The following CCDC141 variants were observed in gnomAD, a reference collection of about 807,000 sequenced individuals.
CCDC141 encodes coiled-coil domain-containing protein 141.
CCDC141 carries 168 observed loss-of-function variants against 181.0 expected under a neutral mutation model. The observed-to-expected ratio is 0.93, with a 90% CI of 0.82 to 1.05. The LOEUF is 1.05. Ranked by LOEUF, CCDC141 falls within the 50% of genes least tolerant of loss-of-function variation. The pLI is 0.00. For synonymous variants in CCDC141, 666 were observed against 642.3 expected, an observed-to-expected ratio of 1.04 and a Z score of -0.56; for missense variants, 1,902 against 1,788.5, an observed-to-expected ratio of 1.06 and a Z score of -1.14.
intron 2 of CCDC141, among the ~76,000 whole-genome samples, chr2:179,026,390 A>T (rs2042845695): frequency 6.6e-6 from 1 of 152,208 alleles, no homozygotes; most frequent in Non-Finnish European, 1.5e-5. Flanking sequence ...AGAGGGTGCA[A>T]GCCTCAAGCC....
the CCDC141 span, among the ~76,000 whole-genome samples, chr2:178,824,061 A>C: frequency 0.012 from 1,752 of 147,548 alleles, 41 homozygotes; most frequent in African/African-American, 0.04. Flanking sequence ...TACAGAGAAA[A>C]ACACACACAC....
chr2:179,013,094 T>A (rs137991509), intron 2 of CCDC141, among the ~76,000 whole-genome samples: 1,918 of 152,130 alleles, frequency 0.013, 35 homozygotes, highest in African/African-American at 0.044. Flanking sequence ...CTCTTCAATA[T>A]AGTACTGGAA....
intron 5 of CCDC141, among the ~76,000 whole-genome samples, chr2:178,951,612 A>T (rs746513567): frequency 4.6e-5 from 7 of 152,162 alleles, no homozygotes; most frequent in African/African-American, 4.8e-5. Flanking sequence ...GATCATGAGA[A>T]TGAGGGAAGA....
At chr2:178,962,278 G>A (rs1235732948) in intron 4 of CCDC141, among the ~76,000 whole-genome samples, 6 of 151,450 alleles carry the variant, frequency 4.0e-5, no homozygotes, top group Non-Finnish European at 1.5e-5. Flanking sequence ...GTTGAGAATA[G>A]CACATTGAGG....
intron 17 of CCDC141, among the ~76,000 whole-genome samples, chr2:178,857,022 A>G (rs143731891): frequency 1.3e-5 from 2 of 152,368 alleles, no homozygotes; most frequent in Admixed American, 1.3e-4. Flanking sequence ...ATAGCTATAG[A>G]ATATTCCTTT....
chr2:178,841,281 A>G (rs1229729068), intron 22 of CCDC141, among the ~76,000 whole-genome samples: 1 of 152,232 alleles, frequency 6.6e-6, no homozygotes, highest in Non-Finnish European at 1.5e-5. Context: ...ACCCTCATTC[A>G]GTACACATTT....
chr2:178,834,523 C>T (rs1301507760), intron 23 of CCDC141, 83 bp from the exon 24 acceptor site: 3 of 1,372,300 alleles, frequency 2.2e-6, no homozygotes, highest in Admixed American at 4.2e-5. Flanking sequence ...TGCAAATAGG[C>T]CCATTACCAC....
chr2:178,921,235 T>C (rs1558982170), intron 6 of CCDC141, among the ~76,000 whole-genome samples: 1 of 152,234 alleles, frequency 6.6e-6, no homozygotes, highest in Non-Finnish European at 1.5e-5. Flanking sequence ...GCCAAGATGT[T>C]CTTTCATAAA....
chr2:178,974,923 T>C (rs1161346090), intron 4 of CCDC141, 134 bp downstream of exon 4: 1 of 465,676 alleles, frequency 2.1e-6, no homozygotes, highest in Non-Finnish European at 3.8e-6. Context: ...AAATGAAGCT[T>C]TAACTTTTCT....
chr2:178,953,368 C>T (rs1032303349), intron 5 of CCDC141, among the ~76,000 whole-genome samples: 14 of 150,910 alleles, frequency 9.3e-5, no homozygotes, highest in Non-Finnish European at 2.1e-4. Context: ...ACCCGGGAGG[C>T]GGAGTTTGCA....
intron 5 of CCDC141, among the ~76,000 whole-genome samples, chr2:178,955,864 T>G (rs1690142113): frequency 6.6e-6 from 1 of 152,222 alleles, no homozygotes; most frequent in South Asian, 2.1e-4. Context: ...GTTAACATTA[T>G]TAAACTGACT....
chr2:179,046,423 C>T (rs369671071), intron 2 of CCDC141, among the ~76,000 whole-genome samples: 11 of 152,214 alleles, frequency 7.2e-5, no homozygotes, highest in Admixed American at 2.0e-4. Flanking sequence ...GGATATAAGT[C>T]GGCTGTCCTG....
In CCDC141 at chr2:178,885,109, C is replaced by G; in HGVS notation, c.1528-17G>C. 6.5e-7 allele frequency: 1 copy of G among 1,529,756 alleles called. No homozygotes were observed. The highest frequency in any genetic ancestry group is 8.8e-7 in the Non-Finnish European group (1 of 1,131,854). 94.8% of individuals were successfully genotyped at this position (1,529,756 alleles called of 1,614,324 possible). A position where few individuals can be genotyped will look rare whatever the true frequency, so the allele number is the denominator to read the frequency against. ...TGATGTCTCCTGTAAAAGCAAAGCA[C>G]TGGAGGTCAGAAACTGACAGGGGAA... is the stretch of plus-strand genomic sequence containing the variant. On this transcript the variant is annotated splice_polypyrimidine_tract_variant and intron_variant, in intron 10 of 23. Transcript: ENST00000443758.
chr2:178,837,052 T>C lies in CCDC141; in HGVS notation c.4167A>G (p.Arg1389=). 6.2e-6 allele frequency: 10 copies of C among 1,614,040 alleles called. No individual in the cohort carries two copies. The highest frequency in any genetic ancestry group is 8.5e-6 in the Non-Finnish European group (10 of 1,179,970). Residue 1389 remains arginine, a synonymous_variant, in exon 23 of 24, where the codon CGA becomes CGG. Coordinates refer to ENST00000443758, the MANE Select transcript of CCDC141 (RefSeq NM_173648.4). Reference sequence around the variant, plus strand: ...TTGCTGATGTGCTTTTAATCTCTTCTCGAGGAACCATTTGCCTCTGATAGC... The same window carrying C: ...TTGCTGATGTGCTTTTAATCTCTTCCCGAGGAACCATTTGCCTCTGATAGC... ...SRGYQRQMVP[R]EEIKSTSAKS...
chr2:178,918,927 T>C lies in CCDC141; in HGVS notation c.898-20A>G. On this transcript the variant is annotated intron_variant, in intron 6 of 23. Coordinates refer to ENST00000443758, the MANE Select transcript of CCDC141 (RefSeq NM_173648.4). Reference sequence around the variant, plus strand: ...CCATTCCTGCAAGAGATTATTCTTATTATTTTATACATCTCCTCTGTTATG... The same window carrying C: ...CCATTCCTGCAAGAGATTATTCTTACTATTTTATACATCTCCTCTGTTATG... 1 of 1,543,606 alleles carries C rather than the reference T, an allele frequency of 6.5e-7. No individual in the cohort carries two copies. The highest frequency in any genetic ancestry group is 8.8e-7 in the Non-Finnish European group (1 of 1,142,338).
At chr2:178,973,578 C>T (rs1467210491) in intron 4 of CCDC141, among the ~76,000 whole-genome samples, 1 of 152,136 alleles carries the variant, frequency 6.6e-6, no homozygotes, top group Non-Finnish European at 1.5e-5. Context: ...ATCCTAGGAA[C>T]TTGAAGGAGC....
At chr2:178,885,267 T>C (rs993521319) in intron 10 of CCDC141, among the ~76,000 whole-genome samples, 175 bp from the exon 11 acceptor site, 11 of 151,572 alleles carry the variant, frequency 7.3e-5, no homozygotes, top group African/African-American at 2.7e-4. Flanking sequence ...AAGGGCACTT[T>C]AGAATGAAAA....
At chr2:178,931,016 T>C (rs1205221623) in intron 6 of CCDC141, among the ~76,000 whole-genome samples, 3 of 152,166 alleles carry the variant, frequency 2.0e-5, no homozygotes, top group African/African-American at 4.8e-5. Context: ...AGGGCTTGAA[T>C]AGACATTTTT....
chr2:179,047,681 A>G (rs2043544678), intron 1 of CCDC141, among the ~76,000 whole-genome samples: 1 of 152,218 alleles, frequency 6.6e-6, no homozygotes, highest in South Asian at 2.1e-4. Context: ...TTCCCAAGTG[A>G]GGAAAACATA....
Sources: gnomAD v4.1 joint callset for allele counts (sites outside exome capture counted in the v4.1 genomes callset) on GRCh38, gnomAD v4.1.1 for gene constraint, MANE v1.5 for transcripts, NCBI Gene and HGNC (gene_info 2026-07-23, HGNC 2026-07-21) for gene names.